The following RBFOX1 variants were observed in gnomAD, a reference collection of about 807,000 sequenced individuals.
RBFOX1 encodes the protein RNA binding fox-1 homolog 1.
RBFOX1 carries 8 observed loss-of-function variants against 57.7 expected under a neutral mutation model. That is an observed-to-expected ratio of 0.14 (90% CI 0.08 to 0.25). The LOEUF (loss-of-function observed/expected upper bound fraction) is 0.25. RBFOX1 is among the 10% of genes least tolerant of loss of function. RBFOX1 has a pLI of 1.00. For synonymous variants in RBFOX1, 326 were observed against 222.4 expected (o/e 1.47, Z -4.15); for missense variants, 611 against 548.5 (o/e 1.11, Z -1.14).
At chr16:6,927,744 G>A (rs118120424) in intron 3 of RBFOX1, among the ~76,000 whole-genome samples, 1 of 152,096 alleles carries the variant, frequency 6.6e-6, no homozygotes, top group East Asian at 1.9e-4. Flanking sequence ...CCTATGTAAG[G>A]CCTGGAACCT....
At chr16:5,705,893 A>C (rs1410865697) in intron 3 of RBFOX1, among the ~76,000 whole-genome samples, 1 of 152,126 alleles carries the variant, frequency 6.6e-6, no homozygotes, top group Non-Finnish European at 1.5e-5. Context: ...AGACACATGA[A>C]CTGATCGTGT....
At chr16:6,064,873 A>C (rs2095739355) in intron 1 of RBFOX1, among the ~76,000 whole-genome samples, 1 of 151,960 alleles carries the variant, frequency 6.6e-6, no homozygotes, top group African/African-American at 2.4e-5. Flanking sequence ...TTGCACACAC[A>C]CACTAACTTG....
chr16:7,259,501 T>G (rs2094832173), intron 4 of RBFOX1, among the ~76,000 whole-genome samples: 1 of 152,084 alleles, frequency 6.6e-6, no homozygotes, highest in African/African-American at 2.4e-5. Context: ...AAATACTGCT[T>G]TGAACACTGG....
chr16:6,921,603 T>G (rs1486049672), intron 3 of RBFOX1, among the ~76,000 whole-genome samples: 2 of 150,456 alleles, frequency 1.3e-5, no homozygotes, highest in Non-Finnish European at 2.9e-5. Context: ...AAAGAATAAT[T>G]TATGTATATA....
chr16:6,940,228 G>C (rs2078126754), intron 3 of RBFOX1, among the ~76,000 whole-genome samples: 1 of 152,074 alleles, frequency 6.6e-6, no homozygotes, highest in Non-Finnish European at 1.5e-5. Context: ...ATAGGTACAG[G>C]TAGGTTACCT....
chr16:6,491,400 T>G (rs1386130855), intron 2 of RBFOX1, among the ~76,000 whole-genome samples: 1 of 152,118 alleles, frequency 6.6e-6, no homozygotes, highest in African/African-American at 2.4e-5. Flanking sequence ...TACCCAACAC[T>G]CAGTGAATTT....
chr16:6,998,489 G>C (rs1332038572), intron 3 of RBFOX1, among the ~76,000 whole-genome samples: 1 of 152,286 alleles, frequency 6.6e-6, no homozygotes, highest in East Asian at 1.9e-4. Context: ...TGATGTCAGA[G>C]CTCTTGGCAA....
intron 4 of RBFOX1, among the ~76,000 whole-genome samples, chr16:7,330,385 G>C (rs1023229535): frequency 8.2e-6 from 1 of 122,136 alleles, no homozygotes; most frequent in Non-Finnish European, 1.6e-5. Context: ...TGCAGGTGCA[G>C]AGGTTTTTTT....
chr16:7,403,572 C>CCT (rs2098280748), intron 4 of RBFOX1, among the ~76,000 whole-genome samples: 1 of 146,742 alleles, frequency 6.8e-6, no homozygotes, highest in African/African-American at 2.5e-5. Flanking sequence ...TCCCCCCCCC[C>CCT]CCACTTTTTT....
At chr16:5,888,736 C>T (rs377521118) in intron 4 of RBFOX1, among the ~76,000 whole-genome samples, 12 of 136,954 alleles carry the variant, frequency 8.8e-5, no homozygotes, top group Admixed American at 4.9e-4. Context: ...GTGGAGGTTG[C>T]GGTGAGGTTG....
At chr16:7,493,566 C>T (rs562093784) in intron 4 of RBFOX1, among the ~76,000 whole-genome samples, 1 of 149,876 alleles carries the variant, frequency 6.7e-6, no homozygotes, top group South Asian at 2.2e-4. Context: ...CAAGGGGGAA[C>T]ACAGAGGTGT....
intron 2 of RBFOX1, among the ~76,000 whole-genome samples, chr16:6,530,121 G>C (rs2096636327): frequency 6.6e-6 from 1 of 152,106 alleles, no homozygotes; most frequent in South Asian, 2.1e-4. Flanking sequence ...GACAGTGTGT[G>C]GTGTTTTTCT....
At chr16:6,578,233 T>C (rs2097473806) in intron 2 of RBFOX1, among the ~76,000 whole-genome samples, 2 of 152,134 alleles carry the variant, frequency 1.3e-5, no homozygotes, top group Admixed American at 1.3e-4. Flanking sequence ...GTGAGAAAAC[T>C]TTTGCAAGTC....
intron 2 of RBFOX1, among the ~76,000 whole-genome samples, chr16:6,554,353 G>C (rs541378478): frequency 3.3e-5 from 5 of 152,256 alleles, no homozygotes; most frequent in East Asian, 3.9e-4. Flanking sequence ...AGTCTATAGA[G>C]ATGCGAAGTA....
At chr16:5,390,508 C>T (rs1043509445) in intron 1 of RBFOX1, among the ~76,000 whole-genome samples, 4 of 151,952 alleles carry the variant, frequency 2.6e-5, no homozygotes, top group Non-Finnish European at 2.9e-5. Flanking sequence ...AGGCTGGTCT[C>T]GAAGTCCTGA....
chr16:7,074,656 A>G (rs1424697464), intron 4 of RBFOX1, among the ~76,000 whole-genome samples: 2 of 152,196 alleles, frequency 1.3e-5, no homozygotes, highest in African/African-American at 4.8e-5. Context: ...ACAAAAAACC[A>G]TTTTAAGGAA....
intron 4 of RBFOX1, among the ~76,000 whole-genome samples, chr16:7,392,014 C>T (rs776961312): frequency 1.3e-5 from 2 of 152,192 alleles, no homozygotes; most frequent in Non-Finnish European, 2.9e-5. Flanking sequence ...TCCCCTCCTG[C>T]CTTTTGCAAT....
chr16:6,935,287 GGTA>G (rs2153483066), intron 3 of RBFOX1, among the ~76,000 whole-genome samples: 1 of 152,188 alleles, frequency 6.6e-6, no homozygotes, highest in East Asian at 1.9e-4. Context: ...TGTTCAGAGT[GGTA>G]GTTTCAGACG....
intron 2 of RBFOX1, among the ~76,000 whole-genome samples, chr16:5,567,702 C>A (rs528571638): frequency 1.1e-3 from 150 of 137,102 alleles, no homozygotes; most frequent in African/African-American, 3.8e-3. Flanking sequence ...GACAAGATTA[C>A]TGTCATTGCT....
Sources: allele counts gnomAD v4.1 joint callset (sites outside exome capture counted in the v4.1 genomes callset), GRCh38; gene constraint gnomAD v4.1.1; transcripts MANE v1.5; gene names NCBI Gene and HGNC (gene_info 2026-07-23, HGNC 2026-07-21).